The following DRC8 variants were observed in gnomAD, a reference collection of about 807,000 sequenced individuals.
DRC8 encodes the protein dynein regulatory complex protein 8.
chr1:245,005,849 T>C, the DRC8 span, among the ~76,000 whole-genome samples: 1 of 152,296 alleles, frequency 6.6e-6, no homozygotes, highest in Admixed American at 6.5e-5. Context: ...TCAGTTACTC[T>C]TAAACGTGAG....
At chr1:244,996,609 T>TA in the DRC8 span, among the ~76,000 whole-genome samples, 3 of 152,332 alleles carry the variant, frequency 2.0e-5, no homozygotes, top group South Asian at 6.2e-4. Context: ...AAGGAACTGC[T>TA]ACCCCCAGTT....
chr1:244,987,021 C>G, the DRC8 span, among the ~76,000 whole-genome samples: 1 of 152,208 alleles, frequency 6.6e-6, no homozygotes, highest in East Asian at 1.9e-4. Context: ...CTTGTGCCTC[C>G]GTAGGGCTGT....
chr1:245,087,734 C>T, the DRC8 span: 29 of 991,328 alleles, frequency 2.9e-5, no homozygotes, highest in Middle Eastern at 1.0e-3. Flanking sequence ...ACGAACCACT[C>T]GAAAACGAGT....
chr1:244,988,580 T>A, the DRC8 span, among the ~76,000 whole-genome samples: 1 of 152,206 alleles, frequency 6.6e-6, no homozygotes, highest in Non-Finnish European at 1.5e-5. Context: ...GTTAGTGAAA[T>A]GTCATCAGAT....
the DRC8 span, among the ~76,000 whole-genome samples, chr1:245,074,508 T>G: frequency 5.3e-5 from 8 of 152,170 alleles, no homozygotes; most frequent in Admixed American, 5.2e-4. Context: ...CAGGCACTGC[T>G]GCAGCCTTTC....
At chr1:244,985,689 C>T in the DRC8 span, among the ~76,000 whole-genome samples, 1 of 151,542 alleles carries the variant, frequency 6.6e-6, no homozygotes, top group Admixed American at 6.6e-5. Flanking sequence ...TGTGGTGAAA[C>T]CCCCGTCTCT....
chr1:245,084,061 CG>C, the DRC8 span, among the ~76,000 whole-genome samples: 348 of 54,570 alleles, frequency 6.4e-3, 42 homozygotes, highest in Non-Finnish European at 0.011. Flanking sequence ...ATAAAAATTC[CG>C]CCCCCCCCCC....
the DRC8 span, chr1:244,970,035 G>C: frequency 1.6e-6 from 1 of 608,148 alleles, no homozygotes; most frequent in South Asian, 1.9e-5. Context: ...GGACAGGAGG[G>C]GGCGAGGGGT....
At chr1:244,972,956 A>T in the DRC8 span, among the ~76,000 whole-genome samples, 1 of 152,194 alleles carries the variant, frequency 6.6e-6, no homozygotes, top group African/African-American at 2.4e-5. Context: ...TTGTTAGAGG[A>T]TAAACTAAGT....
chr1:245,083,580 A>G, the DRC8 span: 3 of 1,590,734 alleles, frequency 1.9e-6, no homozygotes, highest in South Asian at 2.3e-5. Context: ...GAACTTATTC[A>G]CCAAATGAAA....
chr1:245,118,119 A>G, the DRC8 span, among the ~76,000 whole-genome samples: 2 of 152,134 alleles, frequency 1.3e-5, no homozygotes, highest in Non-Finnish European at 2.9e-5. Flanking sequence ...GCCCTGTCTG[A>G]CTTCCTGCAC....
the DRC8 span, among the ~76,000 whole-genome samples, chr1:245,073,090 T>C: frequency 2.0e-5 from 3 of 152,204 alleles, no homozygotes; most frequent in Non-Finnish European, 4.4e-5. Flanking sequence ...ATGAAAACTA[T>C]GAACTTTGGG....
the DRC8 span, among the ~76,000 whole-genome samples, chr1:245,054,958 C>G: frequency 3.9e-5 from 6 of 152,224 alleles, no homozygotes; most frequent in Non-Finnish European, 8.8e-5. Context: ...ACAGTTACTC[C>G]TGCCCTCACC....
At chr1:244,992,753 A>C in the DRC8 span, among the ~76,000 whole-genome samples, 15 of 151,544 alleles carry the variant, frequency 9.9e-5, no homozygotes, top group African/African-American at 3.4e-4. Context: ...AAAAGCCCCC[A>C]AAAAAACAAA....
At chr1:245,118,121 T>C in the DRC8 span, among the ~76,000 whole-genome samples, 131,527 of 152,172 alleles carry the variant, frequency 0.86, 57,809 homozygotes, top group Middle Eastern at 0.95. Flanking sequence ...CCTGTCTGAC[T>C]TCCTGCACAC....
chr1:245,078,909 C>T, the DRC8 span, among the ~76,000 whole-genome samples: 4 of 152,062 alleles, frequency 2.6e-5, no homozygotes, highest in Non-Finnish European at 5.9e-5. Flanking sequence ...ATCAAAACAT[C>T]GTGTGGCACA....
the DRC8 span, among the ~76,000 whole-genome samples, chr1:245,025,406 A>G: frequency 6.6e-6 from 1 of 152,206 alleles, no homozygotes; most frequent in East Asian, 1.9e-4. Context: ...TATCTATAAA[A>G]TTGAAATAAA....
chr1:244,975,222 G>A, the DRC8 span, among the ~76,000 whole-genome samples: 2 of 152,154 alleles, frequency 1.3e-5, no homozygotes, highest in African/African-American at 2.4e-5. Flanking sequence ...GAGCCACCAC[G>A]CCTGGCTCGA....
the DRC8 span, among the ~76,000 whole-genome samples, chr1:245,107,604 G>A: frequency 6.6e-6 from 1 of 152,214 alleles, no homozygotes; most frequent in African/African-American, 2.4e-5. Context: ...GTCACCTCCT[G>A]CCTTTGCTGT....
Sources: allele counts gnomAD v4.1 joint callset (sites outside exome capture counted in the v4.1 genomes callset), GRCh38; gene constraint gnomAD v4.1.1; transcripts MANE v1.5; gene names NCBI Gene and HGNC (gene_info 2026-07-23, HGNC 2026-07-21).